SLC9B1: variants seen among roughly 807,000 people sequenced by gnomAD.
SLC9B1 encodes solute carrier family 9 member B1.
In SLC9B1, 32 loss-of-function variants were observed where a neutral mutation model predicts 51.7. That is an observed-to-expected ratio of 0.62 (90% CI 0.47 to 0.83). The LOEUF is 0.83. Among genes scored for constraint, SLC9B1 ranks in the 40% least tolerant of loss-of-function variants. SLC9B1 has a pLI of 0.00. For missense variants in SLC9B1, 406 were observed against 613.2 expected (o/e 0.66, Z 3.57); for synonymous variants, 145 against 212.7 (o/e 0.68, Z 2.77).
In SLC9B1 at chr4:102,975,584, A is replaced by ATTTTTTTTTTTT. The variant is rs1466561136; in HGVS notation, c.211+14215_211+14216insAAAAAAAAAAAA. Among the ~76,000 whole-genome samples the ATTTTTTTTTTTT allele has an allele frequency of 5.4e-4, 43 of 80,140 alleles. 4 individuals carry two copies. The highest frequency in any genetic ancestry group is 2.2e-3 in the East Asian group (6 of 2,728). The allele number at this position is 80,140 out of a possible 152,430, so 52.6% of individuals were successfully genotyped here. ...TATATACATATATATATATATATAT[A>ATTTTTTTTTTTT]TATTTTTTTTTTTTTTTTTTTTTTT... On this transcript the variant is annotated intron_variant, in intron 3 of 11. Transcript: ENST00000296422.
intron 3 of SLC9B1, among the ~76,000 whole-genome samples, chr4:102,970,247 G>C (rs1434504549): frequency 1.3e-5 from 2 of 152,152 alleles, no homozygotes; most frequent in African/African-American, 2.4e-5. Flanking sequence ...AGAAAGGTCG[G>C]GTTAGCCACA....
At chr4:102,982,675 C>T (rs753051052) in intron 3 of SLC9B1, among the ~76,000 whole-genome samples, 18 of 152,068 alleles carry the variant, frequency 1.2e-4, no homozygotes, top group Non-Finnish European at 2.1e-4. Flanking sequence ...TTTTTAATTT[C>T]AAATTCCATT....
chr4:102,986,276 C>T lies in SLC9B1; in HGVS notation c.211+3524G>A, dbSNP rs1193779549. On this transcript the variant is annotated intron_variant, in intron 3 of 11. Coordinates refer to ENST00000296422, the MANE Select transcript of SLC9B1 (RefSeq NM_139173.4). Reference sequence around the variant, plus strand: ...GTTGTTTTTTTTTTTTTCTCTCTCTCAACATTTTAAATATTTCATGCCACT... The same window carrying T: ...GTTGTTTTTTTTTTTTTCTCTCTCTTAACATTTTAAATATTTCATGCCACT... Among the ~76,000 whole-genome samples, 5 of 149,216 alleles carry T rather than the reference C, an allele frequency of 3.4e-5. No homozygotes were observed. The East Asian group carries it at 9.8e-4, about 29-fold the overall frequency.
intron 5 of SLC9B1, among the ~76,000 whole-genome samples, chr4:102,945,848 C>T (rs1578369472): frequency 6.6e-6 from 1 of 152,072 alleles, no homozygotes; most frequent in African/African-American, 2.4e-5. Flanking sequence ...TTCTATTAAA[C>T]CACATTTGCC....
intron 7 of SLC9B1, among the ~76,000 whole-genome samples, chr4:102,917,742 A>G (rs1369450192): frequency 1.3e-5 from 2 of 152,162 alleles, no homozygotes; most frequent in East Asian, 1.9e-4. Context: ...GAAGAACTCA[A>G]TCCAATGTTA....
chr4:102,998,604 GT>G (rs138863134), intron 1 of SLC9B1, among the ~76,000 whole-genome samples: 94 of 146,414 alleles, frequency 6.4e-4, no homozygotes, highest in East Asian at 3.0e-3. Flanking sequence ...TCATCATATG[GT>G]TTTTTTTTTT....
rs936664887 is a variant in SLC9B1, at chr4:103,019,490, A to AG, written c.-2+108dup. 7.1e-6 allele frequency: 5 copies of AG among 699,352 alleles called. No homozygotes were observed. In the African/African-American group the frequency reaches 9.7e-5, roughly 14 times the overall value. The allele number at this position is 699,352 out of a possible 1,614,324, so 43.3% of individuals were successfully genotyped here. On this transcript the variant is annotated intron_variant, in intron 1 of 11. Coordinates refer to ENST00000296422, the MANE Select transcript of SLC9B1 (RefSeq NM_139173.4). ...AGAGCCCAAGAATCCCATTGAACTG[A>AG]GGGGGAGGAAAGGCCCTCCTGCGGC... is the stretch of plus-strand genomic sequence containing the variant.
At chr4:103,011,834 G>T (rs1741101198) in intron 1 of SLC9B1, among the ~76,000 whole-genome samples, 1 of 152,104 alleles carries the variant, frequency 6.6e-6, no homozygotes, top group African/African-American at 2.4e-5. Context: ...TGGACACCCT[G>T]GGCCCCTCCC....
At chr4:102,922,852 C>A (rs1735952170) in intron 7 of SLC9B1, among the ~76,000 whole-genome samples, 1 of 152,082 alleles carries the variant, frequency 6.6e-6, no homozygotes. Context: ...CAAGACTAAA[C>A]CAGGAAGAAG....
chr4:102,961,376 A>G (rs1738113526), intron 3 of SLC9B1, among the ~76,000 whole-genome samples: 2 of 152,294 alleles, frequency 1.3e-5, no homozygotes, highest in South Asian at 2.1e-4. Context: ...AAAACTGACT[A>G]CATACTTCAG....
intron 1 of SLC9B1, among the ~76,000 whole-genome samples, chr4:103,016,155 G>GAAAAAAAAAAAAAAAAAAA (rs1286956791): frequency 1.9e-4 from 14 of 74,260 alleles, no homozygotes; most frequent in Middle Eastern, 7.1e-3. Flanking sequence ...AAAAAAAAAG[G>GAAAAAAAAAAAAAAAAAAA]AAAGTATATG....
chr4:102,995,552 G>T (rs1390050628), intron 1 of SLC9B1, among the ~76,000 whole-genome samples: 1 of 152,094 alleles, frequency 6.6e-6, no homozygotes, highest in African/African-American at 2.4e-5. Context: ...CCTAAGTAAG[G>T]GGTCTGAATA....
intron 3 of SLC9B1, chr4:102,962,771 T>C (rs1560954479): frequency 5.3e-5 from 25 of 474,908 alleles, no homozygotes; most frequent in South Asian, 3.9e-4. Context: ...TAAGGAGAAA[T>C]ACTGTTACAT....
chr4:102,887,524 A>G (rs1169020693), intron 11 of SLC9B1: 58 of 698,352 alleles, frequency 8.3e-5, no homozygotes, highest in Middle Eastern at 7.9e-4. Context: ...ATTTCTTCCA[A>G]TTTATTTTCT....
intron 7 of SLC9B1, among the ~76,000 whole-genome samples, chr4:102,925,670 C>G (rs907681188): frequency 2.7e-5 from 3 of 111,904 alleles, no homozygotes; most frequent in African/African-American, 3.9e-5. Flanking sequence ...TTGAAAACAT[C>G]AAAAAAATTA....
At chr4:103,007,782 G>A (rs1740867844) in intron 1 of SLC9B1, among the ~76,000 whole-genome samples, 9 of 151,612 alleles carry the variant, frequency 5.9e-5, no homozygotes, top group Admixed American at 5.3e-4. Context: ...TGTAGGGACG[G>A]GGTCTCCCTA....
intron 7 of SLC9B1, among the ~76,000 whole-genome samples, chr4:102,921,925 C>T (rs1340074874): frequency 6.6e-6 from 1 of 152,138 alleles, no homozygotes; most frequent in East Asian, 1.9e-4. Context: ...TCCTTAGAGA[C>T]TTACAAAGAG....
chr4:102,943,328 T>C (rs1026257264), intron 6 of SLC9B1, among the ~76,000 whole-genome samples: 3 of 152,100 alleles, frequency 2.0e-5, no homozygotes, highest in African/African-American at 7.2e-5. Flanking sequence ...CAATACTGGG[T>C]ATCTACCCAG....
At chr4:103,002,505 T>C (rs952795062) in intron 1 of SLC9B1, among the ~76,000 whole-genome samples, 1 of 152,040 alleles carries the variant, frequency 6.6e-6, no homozygotes, top group Non-Finnish European at 1.5e-5. Flanking sequence ...GAGAAAAAAA[T>C]CCAACAACTA....
Sources: allele counts gnomAD v4.1 joint callset (sites outside exome capture counted in the v4.1 genomes callset), GRCh38; gene constraint gnomAD v4.1.1; transcripts MANE v1.5; gene names NCBI Gene and HGNC (gene_info 2026-07-23, HGNC 2026-07-21).